EGLN3: variants seen among roughly 807,000 people sequenced by gnomAD.
The protein encoded by EGLN3 is prolyl hydroxylase EGLN3.
In EGLN3, 15 loss-of-function variants were observed where a neutral mutation model predicts 26.0. That is an observed-to-expected ratio of 0.58 (90% confidence interval 0.39 to 0.89). The LOEUF (loss-of-function observed/expected upper bound fraction) is 0.89. Ranked by LOEUF, EGLN3 falls within the 40% of genes least tolerant of loss-of-function variation. EGLN3 has a pLI of 0.00. For synonymous variants in EGLN3, 147 were observed against 127.2 expected, an observed-to-expected ratio of 1.16 and a Z score of -1.05; for missense variants, 238 against 311.6, an observed-to-expected ratio of 0.76 and a Z score of 1.78.
intron 1 of EGLN3, among the ~76,000 whole-genome samples, chr14:33,934,577 G>A (rs1229213706): frequency 1.3e-5 from 2 of 151,444 alleles, no homozygotes; most frequent in Non-Finnish European, 2.9e-5. Flanking sequence ...GCCATCAACC[G>A]CAGCTTGACT....
intron 1 of EGLN3, chr14:33,949,862 T>G (rs73244042): frequency 0.022 from 3,875 of 172,840 alleles, 99 homozygotes; most frequent in African/African-American, 0.065. Context: ...GAAGCAGCAT[T>G]CAGAAGTGGA....
At chr14:33,937,874 G>A (rs1462085995) in intron 1 of EGLN3, among the ~76,000 whole-genome samples, 2 of 152,092 alleles carry the variant, frequency 1.3e-5, no homozygotes, top group Non-Finnish European at 2.9e-5. Flanking sequence ...ACCGACTCTC[G>A]GTTGCTCTAG....
intron 1 of EGLN3, chr14:33,948,372 G>T (rs996674448): frequency 2.6e-5 from 4 of 152,204 alleles, no homozygotes; most frequent in Non-Finnish European, 5.9e-5. Context: ...AGCCTGGTTT[G>T]CATTTGGTTC....
intron 1 of EGLN3, among the ~76,000 whole-genome samples, chr14:33,938,551 C>T (rs1450894343): frequency 6.6e-6 from 1 of 152,182 alleles, no homozygotes; most frequent in Non-Finnish European, 1.5e-5. Flanking sequence ...GCAGCCTGAG[C>T]TGGGAACGGA....
In EGLN3 at chr14:33,925,780, G is replaced by T; in HGVS notation, c.*111C>A. ...GACAGGGATGTGAAGGATGCAAGAA[G>T]TAGCAGGGAGATTGTTGTCACTGAA... On this transcript the variant is annotated 3_prime_UTR_variant, in exon 5 of 5. Coordinates refer to ENST00000250457, the MANE Select transcript of EGLN3 (RefSeq NM_022073.4). The T allele has an allele frequency of 8.0e-7, 1 of 1,246,296 alleles. No individual in the cohort carries two copies. The highest frequency in any genetic ancestry group is 1.2e-6 in the Non-Finnish European group (1 of 854,746). The allele number at this position is 1,246,296 out of a possible 1,614,324, so 77.2% of individuals were successfully genotyped here.
chr14:33,938,219 T>C (rs533889646), intron 1 of EGLN3, among the ~76,000 whole-genome samples: 47 of 152,210 alleles, frequency 3.1e-4, no homozygotes, highest in Non-Finnish European at 6.3e-4. Flanking sequence ...ATCCCGCATT[T>C]CATGCACGAC....
intron 1 of EGLN3, chr14:33,948,576 G>A (rs948925803): frequency 6.6e-6 from 1 of 152,168 alleles, no homozygotes; most frequent in Non-Finnish European, 1.5e-5. Context: ...TAAAATTGAT[G>A]AATCATATCT....
intron 1 of EGLN3, among the ~76,000 whole-genome samples, chr14:33,935,588 C>CACACACAT (rs1390619357): frequency 4.6e-5 from 2 of 43,332 alleles, no homozygotes; most frequent in African/African-American, 2.2e-4. Flanking sequence ...TAAATAAATA[C>CACACACAT]ACACACACAC....
chr14:33,931,905 T>TCA (rs2064407253), intron 1 of EGLN3, among the ~76,000 whole-genome samples: 1 of 152,236 alleles, frequency 6.6e-6, no homozygotes, highest in Admixed American at 6.5e-5. Context: ...AAGTTCTCTT[T>TCA]GTCTAAGTGC....
intron 1 of EGLN3, 46 bp downstream of exon 1, chr14:33,950,343 GTGCCTCC>G (rs2064549383): frequency 6.5e-7 from 1 of 1,545,686 alleles, no homozygotes; most frequent in East Asian, 2.2e-5. Flanking sequence ...CGGACTCCGA[GTGCCTCC>G]CGTCCCCGCG....
chr14:33,944,945 C>T (rs1190793907), intron 1 of EGLN3, among the ~76,000 whole-genome samples: 1 of 152,200 alleles, frequency 6.6e-6, no homozygotes, highest in Non-Finnish European at 1.5e-5. Flanking sequence ...AAATTAAACA[C>T]ACACACCCTC....
chr14:33,929,039 C>A, intron 3 of EGLN3, 37 bp downstream of exon 3: 1 of 1,608,086 alleles, frequency 6.2e-7, no homozygotes, highest in South Asian at 1.1e-5. Context: ...GTTTGTACAC[C>A]AAGCTCCGGA....
rs1372766294 is a variant in EGLN3 at position 33,925,715 on chromosome 14, AAC to A, written c.*174_*175del. On this transcript the variant is annotated 3_prime_UTR_variant, in exon 5 of 5. Transcript: ENST00000250457. ...CTGGCAAAGAGAGTATCTGAAGATC[AAC>A]ACAGTCTTGGCAAGAAAACATGAAG... The A allele has an allele frequency of 1.5e-6, 1 of 685,902 alleles. No homozygotes were observed. Among genetic ancestry groups the A allele is most frequent in the Non-Finnish European group, 2.4e-6 (1 of 408,702 alleles). 42.5% of individuals were successfully genotyped at this position (685,902 alleles called of 1,614,324 possible).
intron 1 of EGLN3, among the ~76,000 whole-genome samples, chr14:33,934,798 GAAC>G (rs2138816519): frequency 6.6e-6 from 1 of 152,292 alleles, no homozygotes; most frequent in African/African-American, 2.4e-5. Context: ...ACTCGATCTT[GAAC>G]AAGTTATAAT....
chr14:33,926,506 T>C (rs558708968), intron 4 of EGLN3, among the ~76,000 whole-genome samples: 1 of 152,314 alleles, frequency 6.6e-6, no homozygotes, highest in South Asian at 2.1e-4. Flanking sequence ...TGCCTTCTAA[T>C]ACTGGTTGGA....
At chr14:33,945,062 A>C (rs973510469) in intron 1 of EGLN3, among the ~76,000 whole-genome samples, 1 of 152,204 alleles carries the variant, frequency 6.6e-6, no homozygotes, top group African/African-American at 2.4e-5. Context: ...GTATTCTGTA[A>C]ATTATTACTG....
chr14:33,928,276 T>A (rs1328782486), intron 3 of EGLN3, among the ~76,000 whole-genome samples: 2 of 152,268 alleles, frequency 1.3e-5, no homozygotes, highest in East Asian at 3.9e-4. Context: ...GCACATGTGA[T>A]CTTAATTTAA....
At chr14:33,927,067 T>C in intron 3 of EGLN3, 34 bp from the exon 4 acceptor site, 1 of 1,489,352 alleles carries the variant, frequency 6.7e-7, no homozygotes, top group East Asian at 2.4e-5. Flanking sequence ...GGAAAGAGAT[T>C]TAATGGTACT....
chr14:33,926,065 C>T, intron 4 of EGLN3, 143 bp from the exon 5 acceptor site: 1 of 777,754 alleles, frequency 1.3e-6, no homozygotes, highest in Non-Finnish European at 2.1e-6. Context: ...AAAGGATTCT[C>T]TCTTGACTTT....
Sources: allele counts gnomAD v4.1 joint callset (sites outside exome capture counted in the v4.1 genomes callset), GRCh38; gene constraint gnomAD v4.1.1; transcripts MANE v1.5; gene names NCBI Gene and HGNC (gene_info 2026-07-23, HGNC 2026-07-21).